The following EYS variants were observed in gnomAD, a reference collection of about 807,000 sequenced individuals.
EYS encodes the protein protein eyes shut homolog.
A neutral mutation model predicts 282.1 loss-of-function variants in EYS; 250 were observed. The ratio of observed to expected loss-of-function variants is 0.89; its 90% CI spans 0.80 to 0.98. The LOEUF (loss-of-function observed/expected upper bound fraction) is 0.98. Among genes scored for constraint, EYS ranks in the 50% least tolerant of loss-of-function variants. The pLI is 0.00. For synonymous variants in EYS, 1,355 were observed against 1,282.9 expected, an observed-to-expected ratio of 1.06 and a Z score of -1.20; for missense variants, 4,016 against 3,709.0, an observed-to-expected ratio of 1.08 and a Z score of -2.15.
At chr6:64,681,812 T>C (rs1583033902) in intron 22 of EYS, among the ~76,000 whole-genome samples, 1 of 152,168 alleles carries the variant, frequency 6.6e-6, no homozygotes, top group Non-Finnish European at 1.5e-5. Context: ...GGGAGTTACG[T>C]GCTACGGGAA....
chr6:63,878,230 C>T (rs959161784), intron 35 of EYS, among the ~76,000 whole-genome samples: 1 of 152,170 alleles, frequency 6.6e-6, no homozygotes, highest in Non-Finnish European at 1.5e-5. Context: ...GTTGGAGTTT[C>T]CTGGAGGTCC....
At chr6:65,352,828 G>A (rs77962969) in intron 9 of EYS, among the ~76,000 whole-genome samples, 1 of 151,824 alleles carries the variant, frequency 6.6e-6, no homozygotes, top group African/African-American at 2.4e-5. Context: ...TTTTAGTTCT[G>A]GCTTTACCCC....
chr6:65,237,696 T>G (rs1344963306), intron 12 of EYS, among the ~76,000 whole-genome samples: 1 of 152,174 alleles, frequency 6.6e-6, no homozygotes, highest in Non-Finnish European at 1.5e-5. Context: ...GGTATGTCCA[T>G]CTAAGGTTAT....
chr6:64,149,872 T>G (rs912574378), intron 31 of EYS, among the ~76,000 whole-genome samples: 1 of 152,180 alleles, frequency 6.6e-6, no homozygotes, highest in Non-Finnish European at 1.5e-5. Flanking sequence ...CACGCCTTCA[T>G]TTTCTCCTCT....
intron 26 of EYS, among the ~76,000 whole-genome samples, chr6:64,495,420 T>C (rs1314674098): frequency 6.6e-6 from 1 of 151,790 alleles, no homozygotes; most frequent in Non-Finnish European, 1.5e-5. Flanking sequence ...GCCAGGAAAG[T>C]TGGTTCTTGA....
chr6:63,795,571 A>G (rs1770625685), intron 37 of EYS, among the ~76,000 whole-genome samples: 1 of 152,202 alleles, frequency 6.6e-6, no homozygotes, highest in Non-Finnish European at 1.5e-5. Context: ...TTTTGTCACA[A>G]GCCTATAATT....
intron 12 of EYS, among the ~76,000 whole-genome samples, chr6:65,094,658 C>T (rs576437413): frequency 6.6e-6 from 1 of 151,170 alleles, no homozygotes; most frequent in African/African-American, 2.4e-5. Context: ...AAATTAGAAA[C>T]TATCTCAAAA....
intron 34 of EYS, among the ~76,000 whole-genome samples, chr6:63,988,825 C>T (rs1767484141): frequency 6.6e-6 from 1 of 151,560 alleles, no homozygotes; most frequent in Admixed American, 6.6e-5. Context: ...GAAACGAACA[C>T]TCCTTTTCCT....
chr6:64,173,548 A>C (rs544081843), intron 31 of EYS, among the ~76,000 whole-genome samples: 38 of 152,112 alleles, frequency 2.5e-4, no homozygotes, highest in Non-Finnish European at 4.3e-4. Flanking sequence ...CCCCCAAGTT[A>C]GCTGTAGTTT....
chr6:65,063,441 T>A (rs932598702), intron 12 of EYS, among the ~76,000 whole-genome samples: 1 of 152,032 alleles, frequency 6.6e-6, no homozygotes, highest in Non-Finnish European at 1.5e-5. Flanking sequence ...AAAAAGGCAC[T>A]AAGTACTATT....
At chr6:65,342,017 T>G (rs1020270552) in intron 10 of EYS, among the ~76,000 whole-genome samples, 1 of 151,220 alleles carries the variant, frequency 6.6e-6, no homozygotes. Flanking sequence ...AAAGCATTCA[T>G]GTGTATGGGT....
intron 5 of EYS, among the ~76,000 whole-genome samples, chr6:65,469,259 A>C (rs1429899805): frequency 6.6e-6 from 1 of 152,048 alleles, no homozygotes; most frequent in Non-Finnish European, 1.5e-5. Flanking sequence ...GTTAATCATG[A>C]AATTGGAAGA....
intron 12 of EYS, among the ~76,000 whole-genome samples, chr6:65,148,562 T>C (rs896112773): frequency 5.9e-5 from 9 of 152,016 alleles, no homozygotes; most frequent in Non-Finnish European, 1.3e-4. Context: ...TGTCTGCAGT[T>C]TTTCTGGGTA....
chr6:65,150,673 T>A (rs1764591035), intron 12 of EYS, among the ~76,000 whole-genome samples: 2 of 146,306 alleles, frequency 1.4e-5, no homozygotes, highest in African/African-American at 5.1e-5. Context: ...CTTTTTCTTA[T>A]TTTTTATCAT....
Position 65,704,709 on chromosome 6 carries a change from A to C in EYS, c.-448+2426T>G, listed in dbSNP as rs1769814197. ...ATCAGAAATTTTAGTTAGCACCATG[A>C]ATTTAGTAAATACTATTTTGATCAT... On this transcript the variant is annotated intron_variant, in intron 1 of 42. Coordinates refer to ENST00000503581, the MANE Select transcript of EYS (RefSeq NM_001142800.2). 2.6e-5 allele frequency among the ~76,000 whole-genome samples: 4 copies of C among 152,208 alleles called. 1 individual carries two copies. The South Asian group carries it at 8.3e-4, about 31-fold the overall frequency.
intron 12 of EYS, among the ~76,000 whole-genome samples, chr6:65,269,377 A>G (rs746256697): frequency 6.6e-6 from 1 of 152,132 alleles, no homozygotes; most frequent in East Asian, 1.9e-4. Flanking sequence ...TGTGGAGGCA[A>G]TTGTATAAGG....
At chr6:64,175,264 A>C (rs748991121) in intron 31 of EYS, among the ~76,000 whole-genome samples, 20 of 152,164 alleles carry the variant, frequency 1.3e-4, no homozygotes, top group Non-Finnish European at 2.4e-4. Flanking sequence ...ATAAATAAAT[A>C]GTTATTTAAT....
In EYS at chr6:65,550,143, C is replaced by CTTTTTTT. The variant is rs1048251073; in HGVS notation, c.-332-54157_-332-54151dup. Among the ~76,000 whole-genome samples, 5 of 5,936 alleles carry CTTTTTTT rather than the reference C, an allele frequency of 8.4e-4. 1 individual carries two copies. Among genetic ancestry groups the CTTTTTTT allele is most frequent in the Admixed American group, 2.9e-3 (1 of 344 alleles). 3.9% of individuals were successfully genotyped at this position (5,936 alleles called of 152,430 possible). A position where few individuals can be genotyped will look rare whatever the true frequency, so the allele number is the denominator to read the frequency against. On this transcript the variant is annotated intron_variant, in intron 2 of 42. Transcript: ENST00000503581. ...AAGTTAGTATCTGACTCTACTATAT[C>CTTTTTTT]TTTTTTTTTTTTTTTTTTTTTTTTT...
At chr6:64,710,222 C>A (rs1044160185) in intron 22 of EYS, among the ~76,000 whole-genome samples, 2 of 152,158 alleles carry the variant, frequency 1.3e-5, no homozygotes, top group African/African-American at 4.8e-5. Flanking sequence ...AATAGGGTCA[C>A]AATAAAATCC....
Sources: gnomAD v4.1 joint callset for allele counts (sites outside exome capture counted in the v4.1 genomes callset) on GRCh38, gnomAD v4.1.1 for gene constraint, MANE v1.5 for transcripts, NCBI Gene and HGNC (gene_info 2026-07-23, HGNC 2026-07-21) for gene names.